The following LPP variants were observed in gnomAD, a reference collection of about 807,000 sequenced individuals.
LPP encodes LIM domain containing preferred translocation partner in lipoma.
Under a neutral mutation model 60.4 loss-of-function variants are expected in LPP, and 38 were observed. The ratio of observed to expected loss-of-function variants is 0.63; its 90% confidence interval spans 0.49 to 0.83. The LOEUF (loss-of-function observed/expected upper bound fraction) is 0.83. Ranked by LOEUF, LPP falls within the 40% of genes least tolerant of loss-of-function variation. The pLI is 0.00. For missense variants in LPP, 902 were observed against 783.6 expected (o/e 1.15, Z -1.80); for synonymous variants, 328 against 290.8 (o/e 1.13, Z -1.30).
chr3:188,385,474 C>T (rs1469149611), intron 3 of LPP, among the ~76,000 whole-genome samples: 1 of 152,082 alleles, frequency 6.6e-6, no homozygotes, highest in Non-Finnish European at 1.5e-5. Context: ...AGCAGAAAGA[C>T]TTGCTGTGCT....
chr3:188,659,141 A>T (rs1296942441), intron 7 of LPP, among the ~76,000 whole-genome samples: 1 of 152,188 alleles, frequency 6.6e-6, no homozygotes, highest in Non-Finnish European at 1.5e-5. Flanking sequence ...GTGTAAAATA[A>T]CCTGTTAGGT....
intron 9 of LPP, among the ~76,000 whole-genome samples, chr3:188,775,055 G>GTTTTTT (rs58627957): frequency 9.5e-5 from 13 of 136,682 alleles, no homozygotes; most frequent in Non-Finnish European, 1.7e-4. Context: ...CATGCTTAGT[G>GTTTTTT]TTTTTTTTTT....
chr3:188,744,548 A>G (rs1255462845), intron 8 of LPP, among the ~76,000 whole-genome samples: 1 of 152,202 alleles, frequency 6.6e-6, no homozygotes, highest in East Asian at 1.9e-4. Flanking sequence ...TGGACAAGTT[A>G]TTTAACTATC....
chr3:188,757,233 ATCGTCG>A (rs1730574930), intron 8 of LPP, among the ~76,000 whole-genome samples: 5 of 152,110 alleles, frequency 3.3e-5, no homozygotes, highest in Non-Finnish European at 7.4e-5. Flanking sequence ...ACATCGTGAC[ATCGTCG>A]AATTCATTTT....
At chr3:188,405,298 T>C (rs1489438665) in intron 3 of LPP, among the ~76,000 whole-genome samples, 1 of 152,204 alleles carries the variant, frequency 6.6e-6, no homozygotes, top group Non-Finnish European at 1.5e-5. Flanking sequence ...CAGGTATCTG[T>C]TAAAACCCTG....
chr3:188,486,368 G>T lies in LPP; in HGVS notation c.306+1664G>T, dbSNP rs542035434. Among the ~76,000 whole-genome samples, 10 of 152,242 alleles carry T rather than the reference G, an allele frequency of 6.6e-5. No homozygotes were observed. In the South Asian group the frequency reaches 1.2e-3, roughly 19 times the overall value. ...AAAGACAGACACCACTCTGTCCTCAGGGAACGTAAAAGTTAGTGGGACTAG... is the reference window on the plus strand; with the variant it reads ...AAAGACAGACACCACTCTGTCCTCATGGAACGTAAAAGTTAGTGGGACTAG... On this transcript the variant is annotated intron_variant, in intron 5 of 11. Transcript: ENST00000617246.
intron 1 of LPP, among the ~76,000 whole-genome samples, chr3:188,163,307 G>A (rs1718874025): frequency 1.3e-5 from 2 of 152,166 alleles, no homozygotes; most frequent in African/African-American, 4.8e-5. Flanking sequence ...GGATAAGCAT[G>A]AGGATCAGGA....
chr3:188,187,203 T>G (rs897029466), intron 1 of LPP, among the ~76,000 whole-genome samples: 1 of 152,208 alleles, frequency 6.6e-6, no homozygotes, highest in South Asian at 2.1e-4. Context: ...CTCTGTGGTT[T>G]GATTGCAAAA....
chr3:188,206,260 C>T (rs947177902), intron 1 of LPP, among the ~76,000 whole-genome samples: 3 of 152,018 alleles, frequency 2.0e-5, no homozygotes, highest in African/African-American at 4.8e-5. Context: ...GCTGGAGGTT[C>T]GAGGTCCTGC....
At chr3:188,657,250 G>A (rs867060599) in intron 7 of LPP, among the ~76,000 whole-genome samples, 10 of 22,836 alleles carry the variant, frequency 4.4e-4, no homozygotes, top group Non-Finnish European at 7.1e-4. Context: ...TTCAAGAGCT[G>A]TCAAGGTGTA....
At chr3:188,693,126 C>A (rs988079368) in intron 7 of LPP, among the ~76,000 whole-genome samples, 1 of 152,088 alleles carries the variant, frequency 6.6e-6, no homozygotes, top group Non-Finnish European at 1.5e-5. Context: ...TCATTTTATT[C>A]TCATTAGAGT....
chr3:188,577,761 G>GTTCCTTCCTTCCTTCCTTCCTTCC (rs1396196937), intron 6 of LPP, among the ~76,000 whole-genome samples: 21 of 113,304 alleles, frequency 1.9e-4, no homozygotes, highest in African/African-American at 6.6e-4. Context: ...TCGTTCCTTC[G>GTTCCTTCCTTCCTTCCTTCCTTCC]TTCCTTCCTT....
intron 2 of LPP, among the ~76,000 whole-genome samples, chr3:188,264,596 G>A (rs565590866): frequency 6.6e-6 from 1 of 152,230 alleles, no homozygotes; most frequent in South Asian, 2.1e-4. Flanking sequence ...GGGGTTTGGA[G>A]AAAGAAAGTG....
chr3:188,812,735 C>T (rs1007637722), intron 9 of LPP, among the ~76,000 whole-genome samples: 13 of 151,702 alleles, frequency 8.6e-5, no homozygotes, highest in Non-Finnish European at 1.5e-5. Context: ...TTTGAGATTT[C>T]CCCTCATGCC....
chr3:188,795,639 A>G (rs1745106742), intron 9 of LPP, among the ~76,000 whole-genome samples: 1 of 152,146 alleles, frequency 6.6e-6, no homozygotes, highest in Non-Finnish European at 1.5e-5. Flanking sequence ...GTATACCCCC[A>G]AAAGAAGAGG....
chr3:188,886,470 T>C lies in LPP; in HGVS notation c.*11991T>C, dbSNP rs919876834. 3.2e-5 allele frequency: 6 copies of C among 187,774 alleles called. No individual in the cohort carries two copies. The highest frequency in any genetic ancestry group is 1.5e-4 in the African/African-American group (6 of 40,246). The allele number at this position is 187,774 out of a possible 1,614,324, so 11.6% of individuals were successfully genotyped here. ...ACAATTTGAGCACTTCTCAGAATTATCTAGTATGCCTGAGTAGAGACTCAC... is the reference window on the plus strand; with the variant it reads ...ACAATTTGAGCACTTCTCAGAATTACCTAGTATGCCTGAGTAGAGACTCAC... On this transcript the variant is annotated 3_prime_UTR_variant, in exon 12 of 12. Transcript: ENST00000617246.
At position 188,217,084 on chromosome 3, in the gene LPP, G is replaced by C. The variant is rs78405770; in HGVS notation, c.-189-8321G>C. 0.032 allele frequency among the ~76,000 whole-genome samples: 4,898 copies of C among 152,312 alleles called. 118 individuals carry two copies. The highest frequency in any genetic ancestry group is 0.078 in the South Asian group (374 of 4,824). On this transcript the variant is annotated intron_variant, in intron 1 of 11. Coordinates refer to ENST00000617246, the MANE Select transcript of LPP (RefSeq NM_001375462.1). The surrounding 1 kb of genome is among the most constrained non-coding windows in gnomAD (Gnocchi z 4.0). ...GGTGCTTACACGCTGCTGCAGGTGT[G>C]TGAAGGAGGCAGATAAAGGAACACT...
At chr3:188,826,896 A>T (rs1177020769) in intron 9 of LPP, among the ~76,000 whole-genome samples, 1 of 152,098 alleles carries the variant, frequency 6.6e-6, no homozygotes, top group East Asian at 1.9e-4. Flanking sequence ...AATGATGATA[A>T]GATCCTATCT....
At chr3:188,554,385 A>C (rs1828969982) in intron 6 of LPP, among the ~76,000 whole-genome samples, 1 of 152,198 alleles carries the variant, frequency 6.6e-6, no homozygotes, top group Non-Finnish European at 1.5e-5. Context: ...ATGTCCTGTA[A>C]ACAAACCCCA....
Sources: gnomAD v4.1 joint callset for allele counts (sites outside exome capture counted in the v4.1 genomes callset) on GRCh38, gnomAD v4.1.1 for gene constraint, Gnocchi (gnomAD v3.1) non-coding constraint, MANE v1.5 for transcripts, NCBI Gene and HGNC (gene_info 2026-07-23, HGNC 2026-07-21) for gene names.